The following CTNNA2 variants were observed in gnomAD, a reference collection of about 807,000 sequenced individuals.
CTNNA2 encodes catenin alpha-2.
In CTNNA2, 42 loss-of-function variants were observed where a neutral mutation model predicts 101.0. The observed-to-expected ratio is 0.42, with a 90% CI of 0.32 to 0.54. CTNNA2 has a LOEUF of 0.54. Ranked by LOEUF, CTNNA2 falls within the 20% of genes least tolerant of loss-of-function variation. The pLI, the probability that CTNNA2 is intolerant of heterozygous loss-of-function variation, is 0.14. For synonymous variants in CTNNA2, 450 were observed against 456.4 expected (o/e 0.99, Z 0.18); for missense variants, 871 against 1,223.1 (o/e 0.71, Z 4.29).
At chr2:80,154,611 G>T (rs1281497128) in intron 7 of CTNNA2, among the ~76,000 whole-genome samples, 1 of 152,098 alleles carries the variant, frequency 6.6e-6, no homozygotes, top group Admixed American at 6.6e-5. Context: ...TGGGTATTTT[G>T]TGTTTGTCAG....
At chr2:80,567,733 C>G (rs1199649457) in intron 12 of CTNNA2, among the ~76,000 whole-genome samples, 1 of 152,080 alleles carries the variant, frequency 6.6e-6, no homozygotes, top group Non-Finnish European at 1.5e-5. Flanking sequence ...TTTCCCTAAT[C>G]TTTACCGAAT....
At chr2:80,314,189 G>T (rs1321104069) in intron 7 of CTNNA2, among the ~76,000 whole-genome samples, 1 of 152,182 alleles carries the variant, frequency 6.6e-6, no homozygotes, top group African/African-American at 2.4e-5. Context: ...ACAATCAAAA[G>T]TTTTCACAGT....
chr2:80,450,459 G>A (rs1683410083), intron 9 of CTNNA2, among the ~76,000 whole-genome samples: 1 of 152,136 alleles, frequency 6.6e-6, no homozygotes, highest in Non-Finnish European at 1.5e-5. Context: ...GATGTGCTGA[G>A]AGCATAAAGT....
chr2:79,284,463 G>T (rs970085891), intron 2 of CTNNA2, among the ~76,000 whole-genome samples: 3 of 151,136 alleles, frequency 2.0e-5, no homozygotes, highest in African/African-American at 7.3e-5. Flanking sequence ...AGAGTTTTTA[G>T]CATGAAGGGT....
chr2:80,485,325 C>T (rs1269723870), intron 9 of CTNNA2, among the ~76,000 whole-genome samples: 20 of 152,172 alleles, frequency 1.3e-4, no homozygotes, highest in Admixed American at 1.3e-3. Context: ...AATACCTTTA[C>T]TCTTACATTG....
At chr2:79,950,350 C>G (rs1688795766) in intron 7 of CTNNA2, among the ~76,000 whole-genome samples, 1 of 152,108 alleles carries the variant, frequency 6.6e-6, no homozygotes, top group East Asian at 1.9e-4. Flanking sequence ...CAATTATGGC[C>G]TAAATAGATG....
intron 2 of CTNNA2, among the ~76,000 whole-genome samples, chr2:79,715,301 C>T (rs1228200699): frequency 6.6e-6 from 1 of 150,520 alleles, no homozygotes; most frequent in Non-Finnish European, 1.5e-5. Flanking sequence ...GCCTTGCTAA[C>T]ATCTGCAGAT....
intron 7 of CTNNA2, among the ~76,000 whole-genome samples, chr2:80,317,000 GGTATTTGA>G (rs1238681344): frequency 1.3e-5 from 2 of 152,078 alleles, no homozygotes; most frequent in African/African-American, 4.8e-5. Flanking sequence ...TTGAGGTGGT[GGTATTTGA>G]GTTGACACCT....
At chr2:79,759,121 A>G (rs1299408155) in intron 3 of CTNNA2, among the ~76,000 whole-genome samples, 1 of 152,196 alleles carries the variant, frequency 6.6e-6, no homozygotes, top group Non-Finnish European at 1.5e-5. Flanking sequence ...TCTTAAACTA[A>G]AAATCATAAT....
upstream of CTNNA2, among the ~76,000 whole-genome samples, chr2:79,510,005 G>A (rs796650054): frequency 2.0e-5 from 3 of 152,294 alleles, no homozygotes; most frequent in East Asian, 1.9e-4. Flanking sequence ...GTCCTAGTGT[G>A]TAGAGACCTG....
intron 7 of CTNNA2, among the ~76,000 whole-genome samples, chr2:80,291,974 G>C (rs189907767): frequency 6.6e-6 from 1 of 152,206 alleles, no homozygotes; most frequent in Non-Finnish European, 1.5e-5. Context: ...GCCATGTGTA[G>C]TCTTTGCAAC....
intron 7 of CTNNA2, among the ~76,000 whole-genome samples, chr2:79,997,793 G>T (rs1444113020): frequency 6.6e-6 from 1 of 152,078 alleles, no homozygotes; most frequent in Admixed American, 6.6e-5. Flanking sequence ...TCTAAACCGC[G>T]TTGCACCTCC....
At chr2:79,698,803 G>T (rs1464538434) in intron 2 of CTNNA2, among the ~76,000 whole-genome samples, 6 of 152,000 alleles carry the variant, frequency 3.9e-5, no homozygotes, top group Non-Finnish European at 8.8e-5. Flanking sequence ...CTTTGGCCCT[G>T]ATAAACATAA....
At chr2:79,457,201 C>CAA (rs369641720) in intron 4 of CTNNA2, among the ~76,000 whole-genome samples, 4,274 of 82,342 alleles carry the variant, frequency 0.052, 219 homozygotes, top group African/African-American at 0.17. Flanking sequence ...GACTCCATCT[C>CAA]AAAAAAAAAA....
In CTNNA2 at chr2:79,325,479, T is replaced by C. The variant is rs148869125; in HGVS notation, c.-318+12683T>C. Among the ~76,000 whole-genome samples, 544 of 152,332 alleles carry C rather than the reference T, an allele frequency of 3.6e-3. 3 individuals carry two copies. Among genetic ancestry groups the C allele is most frequent in the African/African-American group, 0.013 (521 of 41,580 alleles). ...TCAAATAGCATTTCGGGACCCTATA[T>C]GCTAAACATTAAGGCAATTAAGCTC... On this transcript the variant is annotated intron_variant, in intron 3 of 21. Transcript: ENST00000466387.
At chr2:80,446,642 A>T (rs1683095131) in intron 9 of CTNNA2, among the ~76,000 whole-genome samples, 1 of 152,150 alleles carries the variant, frequency 6.6e-6, no homozygotes, top group Admixed American at 6.5e-5. Flanking sequence ...TTAAAAAGGG[A>T]GGAAGAAGAC....
At chr2:80,334,692 G>T (rs1671623397) in intron 7 of CTNNA2, among the ~76,000 whole-genome samples, 1 of 152,174 alleles carries the variant, frequency 6.6e-6, no homozygotes, top group Admixed American at 6.5e-5. Flanking sequence ...TGACTTCAGA[G>T]GGTGAGTGAA....
intron 7 of CTNNA2, among the ~76,000 whole-genome samples, chr2:79,975,408 C>A (rs373957694): frequency 2.8e-4 from 43 of 152,286 alleles, no homozygotes; most frequent in African/African-American, 1.0e-3. Flanking sequence ...TTTCCCCCCA[C>A]ACACTAAGAG....
chr2:79,791,156 G>A (rs906668980), intron 3 of CTNNA2, among the ~76,000 whole-genome samples: 2 of 152,068 alleles, frequency 1.3e-5, no homozygotes, highest in South Asian at 2.1e-4. Context: ...AATATGTTTA[G>A]CCCCTACATG....
Sources: allele counts gnomAD v4.1 joint callset (sites outside exome capture counted in the v4.1 genomes callset), GRCh38; gene constraint gnomAD v4.1.1; transcripts MANE v1.5; gene names NCBI Gene and HGNC (gene_info 2026-07-23, HGNC 2026-07-21).